Variants in DRC8 observed in about 807,000 individuals in gnomAD.
DRC8 encodes dynein regulatory complex protein 8.
At chr1:245,084,068 C>CCCCG in the DRC8 span, among the ~76,000 whole-genome samples, 3 of 114,412 alleles carry the variant, frequency 2.6e-5, no homozygotes, top group Non-Finnish European at 5.5e-5. Context: ...TTCCGCCCCC[C>CCCCG]CCCCGGCGCC....
the DRC8 span, chr1:245,015,789 C>A: frequency 4.1e-6 from 1 of 244,426 alleles, no homozygotes; most frequent in Non-Finnish European, 8.3e-6. Flanking sequence ...CATTCTGGCC[C>A]ACATCTCTCA....
chr1:245,056,920 A>G, the DRC8 span, among the ~76,000 whole-genome samples: 1 of 99,490 alleles, frequency 1.0e-5, no homozygotes, highest in Non-Finnish European at 2.0e-5. Context: ...CTGGAGATAG[A>G]GCAAGACTCC....
At chr1:244,982,839 G>A in the DRC8 span, among the ~76,000 whole-genome samples, 3 of 152,026 alleles carry the variant, frequency 2.0e-5, no homozygotes, top group African/African-American at 7.2e-5. Context: ...GAGGCGGGTG[G>A]ATCACCTGAG....
chr1:245,096,589 T>C, the DRC8 span, among the ~76,000 whole-genome samples: 3 of 152,014 alleles, frequency 2.0e-5, no homozygotes, highest in Admixed American at 2.0e-4. Flanking sequence ...TGAGCAAGAG[T>C]TGTTCAGCAA....
the DRC8 span, among the ~76,000 whole-genome samples, chr1:244,999,467 A>C: frequency 2.0e-5 from 3 of 152,312 alleles, no homozygotes; most frequent in African/African-American, 7.2e-5. Flanking sequence ...TGTCATCCAC[A>C]CTTGTCTTCT....
the DRC8 span, among the ~76,000 whole-genome samples, chr1:244,982,604 C>T: frequency 6.6e-6 from 1 of 152,058 alleles, no homozygotes; most frequent in Non-Finnish European, 1.5e-5. Context: ...TCCATAGACT[C>T]AATGTGGCTG....
chr1:245,080,434 A>G, the DRC8 span, among the ~76,000 whole-genome samples: 1 of 152,192 alleles, frequency 6.6e-6, no homozygotes, highest in Non-Finnish European at 1.5e-5. Flanking sequence ...TATTTACCAT[A>G]TAGGTACTTA....
At chr1:245,004,178 C>G in the DRC8 span, among the ~76,000 whole-genome samples, 1 of 151,534 alleles carries the variant, frequency 6.6e-6, no homozygotes, top group African/African-American at 2.4e-5. Context: ...GCCTCTGGAG[C>G]AGCTGGGACT....
the DRC8 span, among the ~76,000 whole-genome samples, chr1:244,981,770 C>G: frequency 6.6e-6 from 1 of 152,122 alleles, no homozygotes; most frequent in Non-Finnish European, 1.5e-5. Context: ...CCTAGGAACC[C>G]CACGGGGTTA....
At chr1:244,975,446 G>A in the DRC8 span, among the ~76,000 whole-genome samples, 29 of 152,328 alleles carry the variant, frequency 1.9e-4, no homozygotes, top group South Asian at 6.2e-4. Flanking sequence ...CTAAACATAA[G>A]TAGCTTCAAG....
At chr1:245,065,185 C>A in the DRC8 span, among the ~76,000 whole-genome samples, 1 of 149,246 alleles carries the variant, frequency 6.7e-6, no homozygotes. Flanking sequence ...CCTTGGCCTC[C>A]CAAATTACAG....
At chr1:245,087,052 A>G in the DRC8 span, 6 of 794,992 alleles carry the variant, frequency 7.5e-6, no homozygotes, top group African/African-American at 1.7e-5. Context: ...GAAGTCCAGA[A>G]TCTACCAGGG....
the DRC8 span, among the ~76,000 whole-genome samples, chr1:244,972,815 CA>C: frequency 1.1e-3 from 103 of 93,406 alleles, 1 homozygote; most frequent in Admixed American, 1.6e-3. Flanking sequence ...GACTCCGTCT[CA>C]AAAAAAAAAA....
the DRC8 span, among the ~76,000 whole-genome samples, chr1:245,069,278 A>G: frequency 5.3e-5 from 8 of 152,340 alleles, no homozygotes; most frequent in African/African-American, 1.9e-4. Flanking sequence ...GAATTCTTAC[A>G]ATAAAGTAAG....
chr1:244,974,034 T>C, the DRC8 span, among the ~76,000 whole-genome samples: 136 of 152,354 alleles, frequency 8.9e-4, no homozygotes, highest in South Asian at 0.012. Flanking sequence ...AACCAAATTA[T>C]TTTTAAAACC....
chr1:245,121,205 A>C, the DRC8 span, among the ~76,000 whole-genome samples: 1 of 152,248 alleles, frequency 6.6e-6, no homozygotes, highest in Non-Finnish European at 1.5e-5. Flanking sequence ...TAATAGGGAA[A>C]TACGGAGGTG....
chr1:244,986,746 A>G, the DRC8 span, among the ~76,000 whole-genome samples: 3 of 144,396 alleles, frequency 2.1e-5, no homozygotes, highest in Non-Finnish European at 4.6e-5. Flanking sequence ...CCCTGTCTCA[A>G]AAAAAAAAAA....
the DRC8 span, among the ~76,000 whole-genome samples, chr1:245,100,114 G>C: frequency 6.6e-6 from 1 of 152,202 alleles, no homozygotes; most frequent in South Asian, 2.1e-4. Flanking sequence ...GCCGGGCACG[G>C]TGGCTCACGC....
At chr1:245,051,581 G>A in the DRC8 span, among the ~76,000 whole-genome samples, 7 of 152,240 alleles carry the variant, frequency 4.6e-5, no homozygotes, top group South Asian at 8.3e-4. Context: ...ATTCTGCAGC[G>A]CGGTGAGGCA....
Sources: gnomAD v4.1 joint callset for allele counts (sites outside exome capture counted in the v4.1 genomes callset) on GRCh38, gnomAD v4.1.1 for gene constraint, MANE v1.5 for transcripts, NCBI Gene and HGNC (gene_info 2026-07-23, HGNC 2026-07-21) for gene names.